Variants in NINL observed in about 807,000 individuals in gnomAD.
NINL encodes ninein-like protein.
A neutral mutation model predicts 160.3 loss-of-function variants in NINL; 153 were observed. The observed-to-expected ratio is 0.95, with a 90% confidence interval of 0.84 to 1.09. NINL has a LOEUF of 1.09. NINL is among the 50% of genes least tolerant of loss of function. The pLI is 0.00. For synonymous variants in NINL, 800 were observed against 734.8 expected, an observed-to-expected ratio of 1.09 and a Z score of -1.43; for missense variants, 1,829 against 1,764.0, an observed-to-expected ratio of 1.04 and a Z score of -0.66.
intron 21 of NINL, chr20:25,458,832 A>C (rs1181543021): frequency 1.3e-5 from 5 of 371,468 alleles, no homozygotes; most frequent in Non-Finnish European, 9.6e-6. Context: ...CTTCCAGTGA[A>C]CCTTGCTGGG....
At chr20:25,482,947 C>A (rs1326134630) in intron 13 of NINL, among the ~76,000 whole-genome samples, 1 of 150,788 alleles carries the variant, frequency 6.6e-6, no homozygotes, top group Non-Finnish European at 1.5e-5. Flanking sequence ...TCGCTTGAAC[C>A]CAGGAGGCAG....
chr20:25,524,264 C>T (rs980677265), intron 2 of NINL, among the ~76,000 whole-genome samples: 6 of 152,198 alleles, frequency 3.9e-5, no homozygotes, highest in Admixed American at 2.0e-4. Context: ...TAGGCATCTG[C>T]AGCACCAGCA....
Position 25,562,780 on chromosome 20 carries a change from A to C in NINL, c.-12+22675T>G, listed in dbSNP as rs554180472. 3.0e-4 allele frequency among the ~76,000 whole-genome samples: 45 copies of C among 151,668 alleles called. No individual in the cohort carries two copies. In the East Asian group the frequency reaches 8.3e-3, roughly 28 times the overall value. ...ACCCAAGAATGATCAATAAAAAAAA[A>C]AAAACAAAAACAAAAACAAAGTTCT... On this transcript the variant is annotated intron_variant, in intron 1 of 23. Coordinates refer to ENST00000278886, the MANE Select transcript of NINL (RefSeq NM_025176.6).
chr20:25,496,800 C>T lies in NINL; in HGVS notation c.1173G>A (p.Gly391=). The change falls in exon 10 of 24, where the codon GGG becomes GGA. Residue 391 remains glycine, a synonymous_variant. Transcript: ENST00000278886. ...GCTCCCTTGCCAGCTGCTCCACCTG[C>T]CCTCTGCCACAGGAAGGAGACAGGG... ...CYHQELSYQQ[G]QVEQLARERD... is the part of the protein sequence containing the mutation. The T allele has an allele frequency of 1.2e-6, 2 of 1,613,786 alleles. No individual in the cohort carries two copies. The highest frequency in any genetic ancestry group is 1.7e-6 in the Non-Finnish European group (2 of 1,179,892).
intron 8 of NINL, among the ~76,000 whole-genome samples, chr20:25,500,553 C>T (rs2063846935): frequency 6.6e-6 from 1 of 152,172 alleles, no homozygotes; most frequent in Non-Finnish European, 1.5e-5. Context: ...CCTCCTTGGC[C>T]CAACATTCAG....
chr20:25,470,049 C>G lies in NINL; in HGVS notation c.3295G>C (p.Asp1099His). 6.2e-7 allele frequency: 1 copy of G among 1,614,150 alleles called. No individual in the cohort carries two copies. Among genetic ancestry groups the G allele is most frequent in the East Asian group, 2.2e-5 (1 of 44,870 alleles). ...AGCTCTTGCCGAACCCTTCCCAGAT[C>G]GTTTTTCAACAAAGTGTTTTCTTCA... Reference protein sequence around the residue: ...LSEENTLLKNDLGRVRQELEA... With the variant: ...LSEENTLLKNHLGRVRQELEA... The change falls in exon 18 of 24, where the codon GAT becomes CAT. Residue 1099 changes from aspartate (D) to histidine (H), a missense_variant. Physicochemically the swap from Asp to His is moderately conservative, Grantham distance 81 (BLOSUM62 -1). Coordinates refer to ENST00000278886, the MANE Select transcript of NINL (RefSeq NM_025176.6).
chr20:25,570,693 A>AATTTT lies in NINL; in HGVS notation c.-12+14761_-12+14762insAAAAT, dbSNP rs1423732606. On this transcript the variant is annotated intron_variant, in intron 1 of 23. Transcript: ENST00000278886. ...AATGTCAGAGATCCTGGGCAAGTAGACTTTTTTTTTTTTTTTTTTTTTTTT... is the reference window on the plus strand; with the variant it reads ...AATGTCAGAGATCCTGGGCAAGTAGAATTTTCTTTTTTTTTTTTTTTTTTTTTTTT... Among the ~76,000 whole-genome samples the AATTTT allele has an allele frequency of 9.4e-5, 7 of 74,124 alleles. 1 individual carries two copies. The highest frequency in any genetic ancestry group is 6.8e-4 in the East Asian group (1 of 1,476). 48.6% of individuals were successfully genotyped at this position (74,124 alleles called of 152,430 possible). A position where few individuals can be genotyped will look rare whatever the true frequency, so the allele number is the denominator to read the frequency against.
intron 19 of NINL, among the ~76,000 whole-genome samples, chr20:25,465,595 C>T (rs968001438): frequency 2.0e-5 from 3 of 152,176 alleles, no homozygotes; most frequent in Non-Finnish European, 4.4e-5. Flanking sequence ...ACGACTCCAA[C>T]CCTGGCCATT....
Position 25,526,433 on chromosome 20 carries a change from A to G in NINL, c.155T>C (p.Leu52Pro), listed in dbSNP as rs767263638. The G allele has an allele frequency of 6.2e-7, 1 of 1,612,868 alleles. No homozygotes were observed. The highest frequency in any genetic ancestry group is 2.2e-5 in the East Asian group (1 of 44,834). Residue 52 changes from leucine to proline, a missense_variant, in exon 2 of 24, where the codon CTT (leucine) becomes CCT (proline). Coordinates refer to ENST00000278886, the MANE Select transcript of NINL (RefSeq NM_025176.6). ...EQQLPVLLQT[L>P]LGNDHFARVN... ...CCTGGCGAAATGGTCGTTTCCGAGA[A>G]GCGTCTGCAGGAGGACGGGCAGCTG...
intron 1 of NINL, among the ~76,000 whole-genome samples, chr20:25,558,350 C>A (rs1478624591): frequency 1.3e-5 from 2 of 151,868 alleles, no homozygotes; most frequent in Non-Finnish European, 2.9e-5. Context: ...TGGGAGGACA[C>A]ACACCCACCA....
chr20:25,560,643 A>G (rs1366832209), intron 1 of NINL, among the ~76,000 whole-genome samples: 1 of 152,084 alleles, frequency 6.6e-6, no homozygotes, highest in Non-Finnish European at 1.5e-5. Flanking sequence ...AGGAATCTAT[A>G]GCCCCCTGTA....
In NINL at chr20:25,519,989, C is replaced by CAAAAAAAA. The variant is rs59160061; in HGVS notation, c.181-2148_181-2141dup. Reference sequence around the variant, plus strand: ...TGGGTGACGAAGTGAGACCCCGTCTCAAAAAAAAAAAAAAAAAAAAAAAAA... The same window carrying CAAAAAAAA: ...TGGGTGACGAAGTGAGACCCCGTCTCAAAAAAAAAAAAAAAAAAAAAAAAAAAAAAAAA... On this transcript the variant is annotated intron_variant, in intron 2 of 23. Transcript: ENST00000278886. Among the ~76,000 whole-genome samples, 4 of 12,126 alleles carry CAAAAAAAA rather than the reference C, an allele frequency of 3.3e-4. 1 individual carries two copies. The highest frequency in any genetic ancestry group is 6.2e-4 in the Non-Finnish European group (3 of 4,834). 8.0% of individuals were successfully genotyped at this position (12,126 alleles called of 152,430 possible).
At position 25,504,942 on chromosome 20, in the gene NINL, C is replaced by T. The variant is rs1254103397; in HGVS notation, c.654G>A (p.Glu218=). 6.2e-7 allele frequency: 1 copy of T among 1,612,706 alleles called. No individual in the cohort carries two copies. Among genetic ancestry groups the T allele is most frequent in the Admixed American group, 1.7e-5 (1 of 60,028 alleles). The part of the protein sequence containing the change: ...LGVGSSGHLS[E]QELAVVCQSV... Reference sequence around the variant, plus strand: ...TCTGGCAGACCACAGCCAGCTCCTGCTCGCTCAGGTGTCCGCTGCTGCCCA... The same window carrying T: ...TCTGGCAGACCACAGCCAGCTCCTGTTCGCTCAGGTGTCCGCTGCTGCCCA... The change falls in exon 6 of 24, where the codon GAG becomes GAA. Residue 218 remains glutamate (E), a synonymous_variant. Coordinates refer to ENST00000278886, the MANE Select transcript of NINL (RefSeq NM_025176.6).
intron 16 of NINL, among the ~76,000 whole-genome samples, chr20:25,477,478 C>T (rs2063287481): frequency 6.6e-6 from 1 of 152,228 alleles, no homozygotes; most frequent in South Asian, 2.1e-4. Context: ...GTGGGTTCTA[C>T]ACGATAGCGC....
chr20:25,559,392 C>T lies in NINL; in HGVS notation c.-12+26063G>A, dbSNP rs373101650. On this transcript the variant is annotated intron_variant, in intron 1 of 23. Transcript: ENST00000278886. ...AATAGTTGGGACTACAGGTGCGTGC[C>T]GCCACACCCAACTAATTTTTGTATT... Among the ~76,000 whole-genome samples the T allele has an allele frequency of 1.7e-4, 26 of 152,176 alleles. No individual in the cohort carries two copies. The East Asian group carries it at 4.3e-3, about 25-fold the overall frequency.
At chr20:25,530,006 A>G (rs1698012542) in intron 1 of NINL, among the ~76,000 whole-genome samples, 1 of 152,248 alleles carries the variant, frequency 6.6e-6, no homozygotes, top group Admixed American at 6.5e-5. Flanking sequence ...CCCAATTTCC[A>G]GCCCTTTCCC....
rs200244201 is a variant in NINL at position 25,504,839 on chromosome 20, G to A, written c.708+49C>T. 1,801 of 1,592,660 alleles carry A rather than the reference G, an allele frequency of 1.1e-3. 3 individuals carry two copies. Among genetic ancestry groups the A allele is most frequent in the Non-Finnish European group, 1.4e-3 (1,668 of 1,169,576 alleles). On this transcript the variant is annotated intron_variant, in intron 6 of 23. Coordinates refer to ENST00000278886, the MANE Select transcript of NINL (RefSeq NM_025176.6). ...GGGTTTCCAGACCCAACACTAAACC[G>A]TGACCATGGCCAGGAATATGTGGCT...
At chr20:25,544,157 A>G (rs1740068978) in intron 1 of NINL, among the ~76,000 whole-genome samples, 1 of 144,178 alleles carries the variant, frequency 6.9e-6, no homozygotes. Context: ...TCACTCACAC[A>G]TATTCTCACT....
chr20:25,473,864 T>C (rs1237509582), intron 17 of NINL, among the ~76,000 whole-genome samples: 3 of 151,796 alleles, frequency 2.0e-5, no homozygotes, highest in East Asian at 1.9e-4. Context: ...TGAGACTCCG[T>C]CTCAAAAAAA....
Sources: gnomAD v4.1 joint callset for allele counts (sites outside exome capture counted in the v4.1 genomes callset) on GRCh38, gnomAD v4.1.1 for gene constraint, MANE v1.5 for transcripts, NCBI Gene and HGNC (gene_info 2026-07-23, HGNC 2026-07-21) for gene names.